The following RMI1 variants were observed in gnomAD, a reference collection of about 807,000 sequenced individuals.
The protein encoded by RMI1 is recQ-mediated genome instability protein 1.
In RMI1, 36 loss-of-function variants were observed where a neutral mutation model predicts 46.7. The ratio of observed to expected loss-of-function variants is 0.77; its 90% CI spans 0.59 to 1.02. The LOEUF (loss-of-function observed/expected upper bound fraction) is 1.02, where lower values mean the gene tolerates loss of function less well. RMI1 is among the 50% of genes least tolerant of loss of function. The pLI is 0.00. For synonymous variants in RMI1, 250 were observed against 252.9 expected, an observed-to-expected ratio of 0.99 and a Z score of 0.11; for missense variants, 676 against 713.7, an observed-to-expected ratio of 0.95 and a Z score of 0.60.
chr9:83,998,842 A>C (rs1003823571), intron 1 of RMI1, among the ~76,000 whole-genome samples: 13 of 152,176 alleles, frequency 8.5e-5, no homozygotes, highest in African/African-American at 2.9e-4. Context: ...GGAATTGGTC[A>C]TTCAGTCTAA....
chr9:83,981,689 C>T (rs1052827726), intron 1 of RMI1, among the ~76,000 whole-genome samples: 1 of 152,212 alleles, frequency 6.6e-6, no homozygotes, highest in Admixed American at 6.5e-5. Context: ...TCATAATCTG[C>T]ACATAAAGCG....
intron 1 of RMI1, among the ~76,000 whole-genome samples, chr9:83,990,690 CACTG>C (rs1037662079): frequency 6.6e-6 from 1 of 152,156 alleles, no homozygotes; most frequent in Non-Finnish European, 1.5e-5. Context: ...GATCATTACA[CACTG>C]TATGTATGTA....
chr9:83,981,032 G>C (rs1186497077), intron 1 of RMI1, 141 bp downstream of exon 1: 6 of 152,384 alleles, frequency 3.9e-5, no homozygotes, highest in Admixed American at 3.3e-4. Flanking sequence ...GCGTCCGCTG[G>C]GCCGGGCCCA....
At chr9:83,983,781 A>G (rs1957452188) in intron 1 of RMI1, among the ~76,000 whole-genome samples, 1 of 152,134 alleles carries the variant, frequency 6.6e-6, no homozygotes, top group Non-Finnish European at 1.5e-5. Flanking sequence ...TATCATTCAT[A>G]CAATGCTAAT....
chr9:83,995,235 A>G (rs944006288), intron 1 of RMI1, among the ~76,000 whole-genome samples: 3 of 151,852 alleles, frequency 2.0e-5, no homozygotes, highest in Non-Finnish European at 4.4e-5. Context: ...TCCTGACCTC[A>G]TGATCCACCT....
chr9:83,993,298 G>C (rs1369651208), intron 1 of RMI1, among the ~76,000 whole-genome samples: 1 of 151,984 alleles, frequency 6.6e-6, no homozygotes, highest in Non-Finnish European at 1.5e-5. Context: ...ATGTCCTCAA[G>C]GTTAATTTAT....
rs1220580808 is a variant in RMI1 at position 84,001,170 on chromosome 9, A to C, written c.184A>C (p.Arg62=). 1 of 1,614,020 alleles carries C rather than the reference A, an allele frequency of 6.2e-7. No individual in the cohort carries two copies. The highest frequency in any genetic ancestry group is 1.3e-5 in the African/African-American group (1 of 74,944). Residue 62 remains arginine, a synonymous_variant, in exon 3 of 3, where the codon AGG becomes CGG. Coordinates refer to ENST00000445877, the MANE Select transcript of RMI1 (RefSeq NM_001358291.2). The part of the protein sequence containing the change: ...VFEQWLLTDL[R]DLEHPLLPDG... ...TGAGCAGTGGCTCCTTACTGATCTG[A>C]GGGATTTGGAGCATCCTCTTTTACC... is the stretch of plus-strand genomic sequence containing the variant.
chr9:83,984,167 C>T (rs572743834), intron 1 of RMI1, among the ~76,000 whole-genome samples: 68 of 151,826 alleles, frequency 4.5e-4, no homozygotes, highest in Admixed American at 1.3e-3. Context: ...ATCACAGTAC[C>T]GGGGATATTA....
At chr9:83,983,563 G>A (rs551046806) in intron 1 of RMI1, among the ~76,000 whole-genome samples, 7 of 152,196 alleles carry the variant, frequency 4.6e-5, no homozygotes, top group Admixed American at 3.9e-4. Context: ...TTGTCAGAAT[G>A]ACACACGTAA....
In RMI1 at chr9:84,002,155, G is replaced by A. The variant is rs1957747775; in HGVS notation, c.1169G>A (p.Gly390Asp). The change falls in exon 3 of 3, where the codon GGT (glycine) becomes GAT (aspartate). Residue 390 changes from glycine to aspartate, a missense_variant. By Grantham distance (94) the Gly-to-Asp change is moderately conservative. Transcript: ENST00000445877. The part of the protein sequence containing the change: ...EQMTNEDKSF[G>D]CPSVRDQNRS... The stretch of plus-strand genomic sequence containing the variant: ...ATGACTAATGAAGACAAATCATTTG[G>A]TTGTCCATCTGTTAGAGACCAAAAC... The A allele has an allele frequency of 2.5e-6, 4 of 1,613,528 alleles. No individual in the cohort carries two copies. The Admixed American group carries it at 6.7e-5, about 27-fold the overall frequency.
chr9:83,999,324 A>G (rs927668276), intron 1 of RMI1, among the ~76,000 whole-genome samples: 1 of 152,144 alleles, frequency 6.6e-6, no homozygotes, highest in African/African-American at 2.4e-5. Flanking sequence ...CTTTTTTCAT[A>G]TTAATCTAAT....
At chr9:83,981,150 C>G (rs1234013102) in intron 1 of RMI1, 1 of 152,336 alleles carries the variant, frequency 6.6e-6, no homozygotes, top group African/African-American at 2.4e-5. Flanking sequence ...GGGCGGGAGC[C>G]GGGGAAACGC....
In RMI1 at chr9:84,001,761, G is replaced by A. The variant is rs138543013; in HGVS notation, c.775G>A (p.Ala259Thr). The A allele has an allele frequency of 1.4e-5, 23 of 1,613,980 alleles. No homozygotes were observed. In the African/African-American group the frequency reaches 2.0e-4, roughly 14 times the overall value. The change falls in exon 3 of 3, where the codon GCA becomes ACA. Residue 259 changes from alanine (A) to threonine (T), a missense_variant. Physicochemically the swap from Ala to Thr is moderately conservative, Grantham distance 58 (BLOSUM62 0). Transcript: ENST00000445877. ...TCTTGATGAAAATGATGAGCTTACAGCAAATAATGACACTTCCTCAGAACG... is the reference window on the plus strand; with the variant it reads ...TCTTGATGAAAATGATGAGCTTACAACAAATAATGACACTTCCTCAGAACG... Reference protein sequence around the residue: ...ASLDENDELTANNDTSSERCF... With the variant: ...ASLDENDELTTNNDTSSERCF...
chr9:84,002,046 C>T lies in RMI1; in HGVS notation c.1060C>T (p.His354Tyr), dbSNP rs1564086326. ...CGATCGAAGTATAGAGAGATTTTCACATAATCCTAATACTACGAATAACTT... is the reference window on the plus strand; with the variant it reads ...CGATCGAAGTATAGAGAGATTTTCATATAATCCTAATACTACGAATAACTT... Reference protein sequence around the residue: ...NADRSIERFSHNPNTTNNFSL... With the variant: ...NADRSIERFSYNPNTTNNFSL... The change falls in exon 3 of 3, where the codon CAT becomes TAT. Residue 354 changes from histidine (H) to tyrosine (Y), a missense_variant. Transcript: ENST00000445877. The T allele has an allele frequency of 6.2e-7, 1 of 1,613,674 alleles. No homozygotes were observed. The highest frequency in any genetic ancestry group is 2.2e-5 in the East Asian group (1 of 44,854).
chr9:83,989,519 A>G (rs945830395), intron 1 of RMI1, among the ~76,000 whole-genome samples: 1 of 152,218 alleles, frequency 6.6e-6, no homozygotes, highest in African/African-American at 2.4e-5. Context: ...AAAATGGGCA[A>G]ATGATCTGAA....
At chr9:83,985,245 C>T (rs988126713) in intron 1 of RMI1, among the ~76,000 whole-genome samples, 4 of 152,144 alleles carry the variant, frequency 2.6e-5, no homozygotes, top group African/African-American at 9.7e-5. Flanking sequence ...TATTACACAT[C>T]ATCTTTTTAT....
intron 1 of RMI1, among the ~76,000 whole-genome samples, chr9:83,999,008 G>A (rs910441781): frequency 1.3e-5 from 2 of 152,088 alleles, no homozygotes; most frequent in Admixed American, 6.5e-5. Context: ...AGGTGTGGTG[G>A]CACACACCTG....
intron 1 of RMI1, among the ~76,000 whole-genome samples, chr9:83,988,492 CAG>C (rs1343822292): frequency 2.6e-5 from 4 of 152,056 alleles, no homozygotes; most frequent in Admixed American, 1.3e-4. Context: ...TTGGTAGAGA[CAG>C]AGTTTTGCTG....
At chr9:83,986,065 A>G (rs965865684) in intron 1 of RMI1, among the ~76,000 whole-genome samples, 4 of 152,220 alleles carry the variant, frequency 2.6e-5, no homozygotes, top group Admixed American at 6.5e-5. Flanking sequence ...TTAAAAAAAA[A>G]TTAAAAAATA....
Sources: allele counts gnomAD v4.1 joint callset (sites outside exome capture counted in the v4.1 genomes callset), GRCh38; gene constraint gnomAD v4.1.1; transcripts MANE v1.5; gene names NCBI Gene and HGNC (gene_info 2026-07-23, HGNC 2026-07-21).